CRHR2: variants seen among roughly 807,000 people sequenced by gnomAD.
The protein encoded by CRHR2 is corticotropin-releasing hormone receptor 2.
CRHR2 carries 53 observed loss-of-function variants against 57.9 expected under a neutral mutation model. The ratio of observed to expected loss-of-function variants is 0.92; its 90% CI spans 0.73 to 1.15. The LOEUF (loss-of-function observed/expected upper bound fraction) is 1.15, where lower values mean the gene tolerates loss of function less well. CRHR2 is among the 50% of genes most tolerant of loss of function. CRHR2 has a pLI of 0.00. For synonymous variants in CRHR2, 213 were observed against 220.9 expected (o/e 0.96, Z 0.32); for missense variants, 532 against 542.6 (o/e 0.98, Z 0.19).
intron 2 of CRHR2, chr7:30,688,923 C>T: frequency 1.7e-6 from 1 of 580,574 alleles, no homozygotes; most frequent in Non-Finnish European, 3.3e-6. Flanking sequence ...CTCCTGAATG[C>T]CAGCCCAGCT....
At chr7:30,697,275 G>A (rs891607184) in intron 1 of CRHR2, among the ~76,000 whole-genome samples, 3 of 152,174 alleles carry the variant, frequency 2.0e-5, no homozygotes, top group Non-Finnish European at 4.4e-5. Flanking sequence ...GGTCACAGAG[G>A]CACCATCCTG....
upstream of CRHR2, among the ~76,000 whole-genome samples, chr7:30,683,624 A>G (rs756278167): frequency 4.6e-5 from 7 of 152,230 alleles, no homozygotes; most frequent in Non-Finnish European, 8.8e-5. Flanking sequence ...TACCCCAGGC[A>G]GGATGCTTGC....
chr7:30,662,317 A>C lies in CRHR2; in HGVS notation c.698-101T>G, dbSNP rs572318085. Reference sequence around the variant, plus strand: ...ACAACAGGGCTAGGATCATGTTTTTACTCTTCCAACAGCAGGCCACCCACA... The same window carrying C: ...ACAACAGGGCTAGGATCATGTTTTTCCTCTTCCAACAGCAGGCCACCCACA... On this transcript the variant is annotated intron_variant, in intron 6 of 11. Coordinates refer to ENST00000471646, the MANE Select transcript of CRHR2 (RefSeq NM_001883.5). The C allele has an allele frequency of 2.9e-6, 4 of 1,382,738 alleles. No homozygotes were observed. In the Admixed American group the frequency reaches 7.2e-5, roughly 25 times the overall value. The allele number at this position is 1,382,738 out of a possible 1,614,324, so 85.7% of individuals were successfully genotyped here.
At chr7:30,693,279 A>G (rs1361886758) in intron 1 of CRHR2, among the ~76,000 whole-genome samples, 2 of 152,220 alleles carry the variant, frequency 1.3e-5, no homozygotes, top group Non-Finnish European at 2.9e-5. Context: ...TGGTTACCAG[A>G]GAGACCAAGC....
At chr7:30,657,897 C>T (rs1036688451) in intron 8 of CRHR2, among the ~76,000 whole-genome samples, 1 of 152,158 alleles carries the variant, frequency 6.6e-6, no homozygotes, top group African/African-American at 2.4e-5. Flanking sequence ...CGTACCCATC[C>T]ATCTACCCAT....
At chr7:30,689,490 G>A (rs1470297697) in intron 1 of CRHR2, among the ~76,000 whole-genome samples, 1 of 152,176 alleles carries the variant, frequency 6.6e-6, no homozygotes, top group Non-Finnish European at 1.5e-5. Flanking sequence ...GTGGCCCAAT[G>A]CAGTGTTGCC....
chr7:30,667,279 C>G lies in CRHR2; in HGVS notation c.264G>C (p.Thr88=). The G allele has an allele frequency of 1.9e-6, 3 of 1,614,174 alleles. No homozygotes were observed. Among genetic ancestry groups the G allele is most frequent in the South Asian group, 1.1e-5 (1 of 91,084 alleles). The change falls in exon 3 of 12, where the codon ACG becomes ACC. Residue 88 remains threonine (T), a synonymous_variant. Coordinates refer to ENST00000471646, the MANE Select transcript of CRHR2 (RefSeq NM_001883.5). ...NAYRECLENG[T]WASKINYSQC... is the part of the protein sequence containing the mutation. Reference sequence around the variant, plus strand: ...GTGAGTAGTTGATCTTTGAGGCCCACGTCCCATTCTCCAAGCATTCTCGAT... The same window carrying G: ...GTGAGTAGTTGATCTTTGAGGCCCAGGTCCCATTCTCCAAGCATTCTCGAT...
At chr7:30,654,947 C>T (rs1783722408) in intron 11 of CRHR2, 92 bp downstream of exon 11, 2 of 1,565,406 alleles carry the variant, frequency 1.3e-6, no homozygotes, top group African/African-American at 1.4e-5. Context: ...CCCTGGCACT[C>T]CAGCAAGGCC....
chr7:30,689,060 C>A, intron 2 of CRHR2: 1 of 795,394 alleles, frequency 1.3e-6, no homozygotes, highest in Non-Finnish European at 2.1e-6. Context: ...AGAAATCAAA[C>A]CAGGACTGGA....
chr7:30,671,832 ATGATGATGATAATGATG>A (rs1784367374), intron 2 of CRHR2, among the ~76,000 whole-genome samples: 2 of 148,002 alleles, frequency 1.4e-5, no homozygotes, highest in East Asian at 3.9e-4. Context: ...GATGATGATG[ATGATGATGATAATGATG>A]ATGATGATAG....
Position 30,662,680 on chromosome 7 carries a change from C to T in CRHR2, c.697+14G>A, listed in dbSNP as rs756253772. Reference sequence around the variant, plus strand: ...CTCCCCCCAACTAGGCCCTGCTGCCCCTGGGACCCTCACACCATCCGATGA... The same window carrying T: ...CTCCCCCCAACTAGGCCCTGCTGCCTCTGGGACCCTCACACCATCCGATGA... On this transcript the variant is annotated intron_variant, in intron 6 of 11. Transcript: ENST00000471646. The T allele has an allele frequency of 1.9e-6, 3 of 1,610,724 alleles. No individual in the cohort carries two copies. Among genetic ancestry groups the T allele is most frequent in the African/African-American group, 1.3e-5 (1 of 74,988 alleles).
intron 2 of CRHR2, among the ~76,000 whole-genome samples, chr7:30,676,146 TGG>T (rs1784509138): frequency 6.6e-6 from 1 of 152,054 alleles, no homozygotes; most frequent in African/African-American, 2.4e-5. Flanking sequence ...TACCCTTAAG[TGG>T]GGAGGGGAAG....
intron 2 of CRHR2, among the ~76,000 whole-genome samples, chr7:30,674,539 G>T (rs1784456876): frequency 6.6e-6 from 1 of 152,216 alleles, no homozygotes; most frequent in Admixed American, 6.5e-5. Context: ...AGGGAGAAAA[G>T]CAGTCAGTAG....
intron 2 of CRHR2, among the ~76,000 whole-genome samples, chr7:30,670,492 C>T (rs2128144078): frequency 6.6e-6 from 1 of 152,342 alleles, no homozygotes; most frequent in South Asian, 2.1e-4. Context: ...CCTGGGAAAG[C>T]AGGTGGGATG....
At chr7:30,690,221 A>T (rs1341097616) in intron 1 of CRHR2, among the ~76,000 whole-genome samples, 2 of 152,156 alleles carry the variant, frequency 1.3e-5, no homozygotes, top group South Asian at 4.1e-4. Context: ...GGTCATGCTA[A>T]TGTGGGTTTT....
chr7:30,673,509 T>G (rs1431877298), intron 2 of CRHR2, among the ~76,000 whole-genome samples: 1 of 152,250 alleles, frequency 6.6e-6, no homozygotes, highest in Non-Finnish European at 1.5e-5. Flanking sequence ...TGAGCCACCA[T>G]GCCTGGCCAT....
chr7:30,688,410 G>T (rs1008158466), intron 2 of CRHR2, among the ~76,000 whole-genome samples: 1 of 152,198 alleles, frequency 6.6e-6, no homozygotes, highest in Non-Finnish European at 1.5e-5. Flanking sequence ...GGGCGAGGCC[G>T]CTGGGTGGAA....
At position 30,665,015 on chromosome 7, in the gene CRHR2, G is replaced by T; in HGVS notation, c.543+55C>A. The stretch of plus-strand genomic sequence containing the variant: ...GCAGAGACCAGACAGACAGATGGGT[G>T]CCCCCGGAGCCCAGAGCCCCCCAGG... On this transcript the variant is annotated intron_variant, in intron 5 of 11. Transcript: ENST00000471646. This position sits in a 1 kb window ranked among gnomAD's most constrained non-coding sequence, Gnocchi z 4.5. The T allele has an allele frequency of 1.4e-6, 2 of 1,411,986 alleles. No individual in the cohort carries two copies. Among genetic ancestry groups the T allele is most frequent in the Non-Finnish European group, 2.0e-6 (2 of 996,302 alleles). The allele number at this position is 1,411,986 out of a possible 1,614,324, so 87.5% of individuals were successfully genotyped here.
At chr7:30,664,942 A>G (rs1784126014) in intron 5 of CRHR2, 128 bp downstream of exon 5, 1 of 721,798 alleles carries the variant, frequency 1.4e-6, no homozygotes, top group South Asian at 1.6e-5. Context: ...CAAGAAGAAG[A>G]GGGCTGCTTT....
Sources: gnomAD v4.1 joint callset for allele counts (sites outside exome capture counted in the v4.1 genomes callset) on GRCh38, gnomAD v4.1.1 for gene constraint, Gnocchi (gnomAD v3.1) non-coding constraint, MANE v1.5 for transcripts, NCBI Gene and HGNC (gene_info 2026-07-23, HGNC 2026-07-21) for gene names.